Variants in SHISA6 observed in about 807,000 individuals in gnomAD.
SHISA6 encodes protein shisa-6.
A neutral mutation model predicts 47.9 loss-of-function variants in SHISA6; 22 were observed. The ratio of observed to expected loss-of-function variants is 0.46; its 90% confidence interval spans 0.33 to 0.66. The LOEUF (loss-of-function observed/expected upper bound fraction) is 0.66. SHISA6 is among the 30% of genes least tolerant of loss of function. The pLI, the probability that SHISA6 is intolerant of heterozygous loss-of-function variation, is 0.02. For synonymous variants in SHISA6, 388 were observed against 337.8 expected (o/e 1.15, Z -1.63); for missense variants, 680 against 764.6 (o/e 0.89, Z 1.30).
chr17:11,247,243 C>T (rs1210274277), intron 1 of SHISA6, among the ~76,000 whole-genome samples: 12 of 152,230 alleles, frequency 7.9e-5, no homozygotes, highest in Admixed American at 7.2e-4. Flanking sequence ...TAGCTCCAGA[C>T]GGACAGTCCT....
chr17:11,363,117 C>T (rs544718295), intron 2 of SHISA6, among the ~76,000 whole-genome samples: 1 of 152,182 alleles, frequency 6.6e-6, no homozygotes, highest in Non-Finnish European at 1.5e-5. Context: ...AGAGCTAATG[C>T]CTCTGCTCTG....
At chr17:11,512,057 C>T (rs1207034433) in intron 3 of SHISA6, among the ~76,000 whole-genome samples, 1 of 152,172 alleles carries the variant, frequency 6.6e-6, no homozygotes, top group East Asian at 1.9e-4. Context: ...GAATTGGATT[C>T]CCAAGGTTCC....
intron 4 of SHISA6, 77 bp downstream of exon 4, chr17:11,552,029 G>C: frequency 2.1e-6 from 3 of 1,445,810 alleles, no homozygotes; most frequent in Non-Finnish European, 2.8e-6. Flanking sequence ...TGCCTATCAG[G>C]GCATCAAACA....
chr17:11,270,846 A>G (rs1908616392), intron 2 of SHISA6, among the ~76,000 whole-genome samples: 1 of 152,160 alleles, frequency 6.6e-6, no homozygotes, highest in Non-Finnish European at 1.5e-5. Context: ...CCATAGGGGA[A>G]TGGATGGCAA....
chr17:11,476,147 T>C (rs1448991027), intron 3 of SHISA6, among the ~76,000 whole-genome samples: 1 of 152,094 alleles, frequency 6.6e-6, no homozygotes, highest in Non-Finnish European at 1.5e-5. Context: ...CTTTACTTTC[T>C]AGTATTAGTG....
intron 2 of SHISA6, among the ~76,000 whole-genome samples, chr17:11,305,745 TGGA>T (rs1236040574): frequency 6.6e-6 from 1 of 150,926 alleles, no homozygotes; most frequent in Non-Finnish European, 1.5e-5. Flanking sequence ...TGACAGAGAG[TGGA>T]GGAGACAGGC....
chr17:11,382,935 T>G lies in SHISA6; in HGVS notation c.895+3426T>G, dbSNP rs942704164. ...GACATCAGTCCTGTCAGCCTTTTTTTTTTTTTTTTTTTTTTTTTTGAGACG... is the reference window on the plus strand; with the variant it reads ...GACATCAGTCCTGTCAGCCTTTTTTGTTTTTTTTTTTTTTTTTTTGAGACG... On this transcript the variant is annotated intron_variant, in intron 3 of 5. Transcript: ENST00000441885. Among the ~76,000 whole-genome samples, 194 of 121,276 alleles carry G rather than the reference T, an allele frequency of 1.6e-3. 5 individuals carry two copies. The highest frequency in any genetic ancestry group is 6.8e-3 in the African/African-American group (181 of 26,590). 79.6% of individuals were successfully genotyped at this position (121,276 alleles called of 152,430 possible). A position where few individuals can be genotyped will look rare whatever the true frequency, so the allele number is the denominator to read the frequency against.
intron 3 of SHISA6, among the ~76,000 whole-genome samples, chr17:11,434,593 A>C (rs576048211): frequency 6.6e-6 from 1 of 152,298 alleles, no homozygotes; most frequent in African/African-American, 2.4e-5. Flanking sequence ...GTTTAGACAA[A>C]TTCTTTTTTA....
At chr17:11,454,024 A>G (rs1054094041) in intron 3 of SHISA6, among the ~76,000 whole-genome samples, 1 of 152,212 alleles carries the variant, frequency 6.6e-6, no homozygotes, top group Non-Finnish European at 1.5e-5. Flanking sequence ...GCTGGGTCCT[A>G]TGGTATGTTT....
intron 3 of SHISA6, among the ~76,000 whole-genome samples, chr17:11,549,728 G>A (rs2071913862): frequency 6.6e-6 from 1 of 152,170 alleles, no homozygotes; most frequent in African/African-American, 2.4e-5. Flanking sequence ...AGAAACTCCA[G>A]ACTGAATGAC....
At chr17:11,321,568 C>T (rs1225766984) in intron 2 of SHISA6, among the ~76,000 whole-genome samples, 1 of 152,158 alleles carries the variant, frequency 6.6e-6, no homozygotes, top group Admixed American at 6.5e-5. Context: ...TCTCACAATC[C>T]TTGCCTTTTA....
intron 3 of SHISA6, among the ~76,000 whole-genome samples, chr17:11,515,750 C>T (rs1352469877): frequency 6.6e-6 from 1 of 152,148 alleles, no homozygotes; most frequent in African/African-American, 2.4e-5. Context: ...AGATTCTGAG[C>T]AGGGAACTCT....
chr17:11,336,776 C>A (rs559585721), intron 2 of SHISA6, among the ~76,000 whole-genome samples: 1 of 152,136 alleles, frequency 6.6e-6, no homozygotes, highest in Non-Finnish European at 1.5e-5. Flanking sequence ...TCGCCCAGGG[C>A]GCAGGGATTT....
intron 3 of SHISA6, among the ~76,000 whole-genome samples, chr17:11,474,404 GGT>G (rs1491211962): frequency 2.6e-5 from 2 of 76,852 alleles, no homozygotes; most frequent in Non-Finnish European, 4.7e-5. Context: ...ACTTTTTGAT[GGT>G]TTTTTTTTTT....
chr17:11,386,753 C>G (rs1913208451), intron 3 of SHISA6, among the ~76,000 whole-genome samples: 1 of 152,196 alleles, frequency 6.6e-6, no homozygotes. Flanking sequence ...CCACATATGA[C>G]AGATAGGCCA....
At chr17:11,397,653 G>A (rs113917529) in intron 3 of SHISA6, among the ~76,000 whole-genome samples, 54 of 150,320 alleles carry the variant, frequency 3.6e-4, no homozygotes, top group African/African-American at 1.3e-3. Context: ...CTGTCCCATT[G>A]TTGCCTTGCT....
At chr17:11,257,150 A>G (rs1026187474) in intron 1 of SHISA6, among the ~76,000 whole-genome samples, 2 of 152,228 alleles carry the variant, frequency 1.3e-5, no homozygotes, top group Admixed American at 6.5e-5. Context: ...TGCACACACA[A>G]AGCCAGCAGC....
intron 1 of SHISA6, among the ~76,000 whole-genome samples, chr17:11,259,173 A>C (rs1908133235): frequency 6.6e-6 from 1 of 151,828 alleles, no homozygotes; most frequent in Non-Finnish European, 1.5e-5. Context: ...GAATGGAGGG[A>C]GGGAGAGATG....
intron 3 of SHISA6, among the ~76,000 whole-genome samples, chr17:11,457,861 G>A (rs904684490): frequency 1.3e-5 from 2 of 151,958 alleles, no homozygotes; most frequent in Non-Finnish European, 2.9e-5. Context: ...TGAGGCAGGT[G>A]GATCACGAGG....
Sources: gnomAD v4.1 joint callset for allele counts (sites outside exome capture counted in the v4.1 genomes callset) on GRCh38, gnomAD v4.1.1 for gene constraint, MANE v1.5 for transcripts, NCBI Gene and HGNC (gene_info 2026-07-23, HGNC 2026-07-21) for gene names.